The following PRELID2 variants were observed in gnomAD, a reference collection of about 807,000 sequenced individuals.
The protein encoded by PRELID2 is PRELI domain-containing protein 2.
In PRELID2, 25 loss-of-function variants were observed where a neutral mutation model predicts 28.4. The observed-to-expected ratio is 0.88, with a 90% CI of 0.64 to 1.23. The LOEUF is 1.23. Among genes scored for constraint, PRELID2 ranks in the 50% most tolerant of loss-of-function variants. The probability of loss-of-function intolerance (pLI) is 0.00; values close to 1 mark genes in which losing one functional copy is unlikely to be tolerated. For missense variants in PRELID2, 201 were observed against 214.4 expected (o/e 0.94, Z 0.39); for synonymous variants, 76 against 71.6 (o/e 1.06, Z -0.31).
the PRELID2 span, among the ~76,000 whole-genome samples, chr5:145,399,785 G>A: frequency 6.6e-6 from 1 of 152,074 alleles, no homozygotes; most frequent in Admixed American, 6.6e-5. Context: ...TCACAATCAT[G>A]GCAGAAGGCA....
At chr5:145,421,642 T>C in the PRELID2 span, among the ~76,000 whole-genome samples, 1 of 141,294 alleles carries the variant, frequency 7.1e-6, no homozygotes, top group Non-Finnish European at 1.6e-5. Context: ...TTATTAGTCT[T>C]GCTAGCGGTC....
chr5:145,596,509 T>C (rs556912297), intron 1 of PRELID2, among the ~76,000 whole-genome samples: 1 of 152,176 alleles, frequency 6.6e-6, no homozygotes, highest in East Asian at 1.9e-4. Flanking sequence ...ATTCTTCTCA[T>C]TTGAAAACCA....
In PRELID2 at chr5:145,760,296, T is replaced by C. The variant is rs1757411971; in HGVS notation, c.*240A>G. ...GTAAAATTATAAAGAGATTGTGTCA[T>C]AAAAATCCAGCAAGAAGGTCTTATC... is the stretch of plus-strand genomic sequence containing the variant. On this transcript the variant is annotated 3_prime_UTR_variant, in exon 7 of 7. Coordinates refer to ENST00000683046, the MANE Select transcript of PRELID2 (RefSeq NM_205846.3). The C allele has an allele frequency of 6.6e-6, 1 of 152,074 alleles. No individual in the cohort carries two copies. The highest frequency in any genetic ancestry group is 1.5e-5 in the Non-Finnish European group (1 of 68,010). 9.4% of individuals were successfully genotyped at this position (152,074 alleles called of 1,614,324 possible). A position where few individuals can be genotyped will look rare whatever the true frequency, so the allele number is the denominator to read the frequency against.
intron 1 of PRELID2, among the ~76,000 whole-genome samples, chr5:145,663,715 C>T (rs1754536765): frequency 6.6e-6 from 1 of 152,096 alleles, no homozygotes; most frequent in Non-Finnish European, 1.5e-5. Flanking sequence ...TGAATCCTAA[C>T]CCCGACTTCA....
intron 1 of PRELID2, among the ~76,000 whole-genome samples, chr5:145,483,057 C>G (rs1752177453): frequency 6.6e-6 from 1 of 152,058 alleles, no homozygotes; most frequent in South Asian, 2.1e-4. Context: ...CACAATTCAC[C>G]TATAAAATGG....
chr5:145,597,298 A>G (rs1753323133), intron 1 of PRELID2, among the ~76,000 whole-genome samples: 1 of 152,292 alleles, frequency 6.6e-6, no homozygotes, highest in Middle Eastern at 3.4e-3. Context: ...TACTATCCCT[A>G]GAAAAGGTAG....
At chr5:145,480,074 A>C (rs1310931830) in intron 1 of PRELID2, among the ~76,000 whole-genome samples, 1 of 152,216 alleles carries the variant, frequency 6.6e-6, no homozygotes, top group Non-Finnish European at 1.5e-5. Flanking sequence ...GCTCACTAGG[A>C]ATTCCAGAAC....
chr5:145,423,786 C>T, the PRELID2 span, among the ~76,000 whole-genome samples: 3,458 of 129,118 alleles, frequency 0.027, 158 homozygotes, highest in African/African-American at 0.091. Context: ...TGAGGAACTG[C>T]GTTCCTTTGG....
chr5:145,287,866 G>C, the PRELID2 span, among the ~76,000 whole-genome samples: 1 of 152,064 alleles, frequency 6.6e-6, no homozygotes, highest in Non-Finnish European at 1.5e-5. Context: ...ACTTATCTTA[G>C]CTGTACCTAT....
intron 1 of PRELID2, among the ~76,000 whole-genome samples, chr5:145,823,364 T>C (rs1754960816): frequency 6.6e-6 from 1 of 152,212 alleles, no homozygotes. Flanking sequence ...TAGATCCAAC[T>C]AGCCCTGAGG....
chr5:145,433,885 C>A, the PRELID2 span, among the ~76,000 whole-genome samples: 1 of 152,162 alleles, frequency 6.6e-6, no homozygotes, highest in African/African-American at 2.4e-5. Flanking sequence ...TCTGTGCAAC[C>A]ATTTCCCTAT....
At chr5:145,491,872 GCTTT>G (rs1286523556) in intron 1 of PRELID2, among the ~76,000 whole-genome samples, 2 of 152,176 alleles carry the variant, frequency 1.3e-5, no homozygotes, top group Non-Finnish European at 2.9e-5. Flanking sequence ...ACAATGACAG[GCTTT>G]CTTTCTTTTT....
In PRELID2 at chr5:145,758,161, A is replaced by C. The variant is rs1019731416; in HGVS notation, c.*2375T>G. 1.7e-4 allele frequency among the ~76,000 whole-genome samples: 26 copies of C among 151,996 alleles called. No individual in the cohort carries two copies. The highest frequency in any genetic ancestry group is 6.3e-4 in the African/African-American group (26 of 41,514). On this transcript the variant is annotated 3_prime_UTR_variant, in exon 7 of 7. Coordinates refer to ENST00000683046, the MANE Select transcript of PRELID2 (RefSeq NM_205846.3). ...CTGAATTGGTTGCCAATAAAAAACT[A>C]GGAGATTTTTTTTTTAATTCTGTCT...
At chr5:145,244,135 A>G in the PRELID2 span, among the ~76,000 whole-genome samples, 1 of 151,992 alleles carries the variant, frequency 6.6e-6, no homozygotes, top group African/African-American at 2.4e-5. Context: ...TTGTATTTTC[A>G]GTAGAGACGG....
intron 5 of PRELID2, among the ~76,000 whole-genome samples, chr5:145,788,598 T>C (rs1270638755): frequency 6.6e-6 from 1 of 152,134 alleles, no homozygotes; most frequent in Non-Finnish European, 1.5e-5. Flanking sequence ...GATAGACAAC[T>C]ATCTCAAAAG....
the PRELID2 span, among the ~76,000 whole-genome samples, chr5:145,339,032 G>T: frequency 1.3e-5 from 2 of 152,158 alleles, no homozygotes; most frequent in Non-Finnish European, 2.9e-5. Context: ...GTTTTAAACA[G>T]GTTGGATTAT....
chr5:145,595,335 A>C (rs575823618), intron 1 of PRELID2, among the ~76,000 whole-genome samples: 11 of 152,216 alleles, frequency 7.2e-5, no homozygotes, highest in African/African-American at 2.4e-4. Context: ...CCAAGAGAGA[A>C]AGCAAAGTCT....
At chr5:145,738,937 T>G (rs1027813562) in intron 1 of PRELID2, among the ~76,000 whole-genome samples, 5 of 152,098 alleles carry the variant, frequency 3.3e-5, no homozygotes, top group Admixed American at 3.3e-4. Context: ...CTTAAAAAAC[T>G]GTGAGAGGGA....
At position 145,793,717 on chromosome 5, in the gene PRELID2, A is replaced by T. The variant is rs375321145; in HGVS notation, c.474+2725T>A. 2.4e-3 allele frequency among the ~76,000 whole-genome samples: 358 copies of T among 152,294 alleles called. 3 individuals are homozygous for T. The highest frequency in any genetic ancestry group is 7.8e-3 in the African/African-American group (326 of 41,576). ...TCCAGGTAATATTCATCAGAAACCA[A>T]CTGTGAACCTCCCTGGGCATTTCCT... is the stretch of plus-strand genomic sequence containing the variant. On this transcript the variant is annotated intron_variant, in intron 5 of 6. Coordinates refer to ENST00000683046, the MANE Select transcript of PRELID2 (RefSeq NM_205846.3).
Sources: allele counts gnomAD v4.1 joint callset (sites outside exome capture counted in the v4.1 genomes callset), GRCh38; gene constraint gnomAD v4.1.1; transcripts MANE v1.5; gene names NCBI Gene and HGNC (gene_info 2026-07-23, HGNC 2026-07-21).